Variants in TMTC1 observed in about 807,000 individuals in gnomAD.
TMTC1 encodes the protein transmembrane O-mannosyltransferase targeting cadherins 1.
A neutral mutation model predicts 104.8 loss-of-function variants in TMTC1; 73 were observed. The ratio of observed to expected loss-of-function variants is 0.70; its 90% CI spans 0.58 to 0.85. The LOEUF is 0.85. TMTC1 is among the 40% of genes least tolerant of loss of function. The pLI, the probability that TMTC1 is intolerant of heterozygous loss-of-function variation, is 0.00. For missense variants in TMTC1, 1,035 were observed against 1,096.1 expected (o/e 0.94, Z 0.79); for synonymous variants, 434 against 428.7 (o/e 1.01, Z -0.15).
intron 5 of TMTC1, among the ~76,000 whole-genome samples, chr12:29,740,001 C>T (rs1942783200): frequency 6.6e-6 from 1 of 151,900 alleles, no homozygotes; most frequent in African/African-American, 2.4e-5. Flanking sequence ...CCACTGCTCC[C>T]AGCCCCCATC....
chr12:29,698,398 C>T (rs7973663), intron 5 of TMTC1, among the ~76,000 whole-genome samples: 118,241 of 152,062 alleles, frequency 0.78, 46,541 homozygotes, highest in African/African-American at 0.89. Flanking sequence ...AAATTTTGTA[C>T]GCCATTTTCT....
At chr12:29,519,393 CAAGT>C (rs1944085062) in intron 12 of TMTC1, 3 of 152,172 alleles carry the variant, frequency 2.0e-5, no homozygotes, top group Non-Finnish European at 4.4e-5. Context: ...GATCCCAAGG[CAAGT>C]GAGAGTAAGG....
At chr12:29,762,668 G>C (rs999411688) in intron 2 of TMTC1, among the ~76,000 whole-genome samples, 1 of 152,232 alleles carries the variant, frequency 6.6e-6, no homozygotes, top group African/African-American at 2.4e-5. Context: ...GCAATACAGA[G>C]CTGAAAGCTA....
At chr12:29,507,098 T>C in intron 17 of TMTC1, 112 bp from the exon 18 acceptor site, 1 of 862,896 alleles carries the variant, frequency 1.2e-6, no homozygotes, top group Non-Finnish European at 1.9e-6. Context: ...AATGTTCTCA[T>C]ATGGAAACTC....
intron 10 of TMTC1, among the ~76,000 whole-genome samples, chr12:29,540,965 A>G (rs896713468): frequency 6.6e-6 from 1 of 151,714 alleles, no homozygotes; most frequent in Non-Finnish European, 1.5e-5. Flanking sequence ...ACTGCACTCC[A>G]GCCTGGGCGA....
chr12:29,681,667 C>G (rs930408722), intron 5 of TMTC1, among the ~76,000 whole-genome samples: 3 of 151,776 alleles, frequency 2.0e-5, no homozygotes, highest in Admixed American at 2.0e-4. Context: ...GGCCCCTCCC[C>G]CTCCCACCCC....
At chr12:29,523,413 T>C (rs954194789) in intron 11 of TMTC1, among the ~76,000 whole-genome samples, 6 of 152,208 alleles carry the variant, frequency 3.9e-5, no homozygotes, top group African/African-American at 1.2e-4. Flanking sequence ...TGAACATAGT[T>C]TGAACAGCTG....
intron 6 of TMTC1, among the ~76,000 whole-genome samples, chr12:29,631,071 G>T (rs1938271090): frequency 6.6e-6 from 1 of 152,042 alleles, no homozygotes; most frequent in African/African-American, 2.4e-5. Context: ...CTTCTGTGCA[G>T]GGTCTACTTG....
chr12:29,767,206 G>C (rs1943486327), intron 2 of TMTC1, among the ~76,000 whole-genome samples: 1 of 152,156 alleles, frequency 6.6e-6, no homozygotes, highest in South Asian at 2.1e-4. Flanking sequence ...GCCTGTCTCA[G>C]CCTCCCAAAG....
At chr12:29,727,531 C>T (rs1327180691) in intron 5 of TMTC1, among the ~76,000 whole-genome samples, 5 of 151,960 alleles carry the variant, frequency 3.3e-5, no homozygotes, top group Admixed American at 2.6e-4. Flanking sequence ...CACCCACCAC[C>T]ACGCCTGGCT....
chr12:29,559,590 T>C (rs1945329107), intron 9 of TMTC1, among the ~76,000 whole-genome samples: 1 of 152,150 alleles, frequency 6.6e-6, no homozygotes, highest in African/African-American at 2.4e-5. Flanking sequence ...AAGAACCAAC[T>C]TGGAGCTGCA....
intron 5 of TMTC1, among the ~76,000 whole-genome samples, chr12:29,685,247 A>G (rs931240653): frequency 6.6e-6 from 1 of 152,136 alleles, no homozygotes; most frequent in Non-Finnish European, 1.5e-5. Flanking sequence ...CAGGCACAGT[A>G]CAAAACAGTC....
Position 29,564,653 on chromosome 12 carries a change from A to T in TMTC1, c.1532+7452T>A, listed in dbSNP as rs528768515. On this transcript the variant is annotated intron_variant, in intron 9 of 17. Coordinates refer to ENST00000539277, the MANE Select transcript of TMTC1 (RefSeq NM_001193451.2). ...GGGGAGGGAGCTGATGCCAGAATGT[A>T]GTTGAGTAATGAGAGAAAATAAGGA... is the stretch of plus-strand genomic sequence containing the variant. 7.9e-5 allele frequency among the ~76,000 whole-genome samples: 12 copies of T among 152,258 alleles called. 1 individual carries two copies. The highest frequency in any genetic ancestry group is 2.4e-4 in the African/African-American group (10 of 41,556).
At chr12:29,569,628 T>G (rs1228179149) in intron 9 of TMTC1, among the ~76,000 whole-genome samples, 1 of 152,336 alleles carries the variant, frequency 6.6e-6, no homozygotes, top group African/African-American at 2.4e-5. Flanking sequence ...AAATGATGAA[T>G]AGCTCTGGTA....
chr12:29,682,586 T>C (rs957752962), intron 5 of TMTC1, among the ~76,000 whole-genome samples: 2 of 152,234 alleles, frequency 1.3e-5, no homozygotes, highest in Non-Finnish European at 2.9e-5. Flanking sequence ...GAAAGAATTA[T>C]TGATGCAGTC....
intron 5 of TMTC1, among the ~76,000 whole-genome samples, chr12:29,689,676 A>G (rs1451405051): frequency 7.9e-5 from 12 of 152,222 alleles, no homozygotes; most frequent in Non-Finnish European, 1.5e-5. Flanking sequence ...CAGAATTTAA[A>G]TTAATTATGT....
rs1306485968 is a variant in TMTC1 at position 29,583,487 on chromosome 12, G to T, written c.1338C>A (p.Ser446=). Residue 446 remains serine, a synonymous_variant, in exon 8 of 18, where the codon TCC becomes TCA. Transcript: ENST00000539277. ...NRCGATTLIV[S]TVLLLLLFSW... ...AGAAAAGCAACAGCAGCAACACAGT[G>T]GACACAATCAGGGTGGTGGCCCCAC... 3.1e-6 allele frequency: 5 copies of T among 1,613,902 alleles called. No individual in the cohort carries two copies. Among genetic ancestry groups the T allele is most frequent in the Non-Finnish European group, 3.4e-6 (4 of 1,179,914 alleles).
intron 11 of TMTC1, among the ~76,000 whole-genome samples, chr12:29,522,116 T>C (rs1298202718): frequency 1.3e-5 from 2 of 152,130 alleles, no homozygotes; most frequent in Non-Finnish European, 2.9e-5. Flanking sequence ...CAAAACCTTA[T>C]CTCAAGTTAC....
At chr12:29,678,835 T>C (rs1000163924) in intron 5 of TMTC1, among the ~76,000 whole-genome samples, 2 of 152,114 alleles carry the variant, frequency 1.3e-5, no homozygotes, top group African/African-American at 4.8e-5. Flanking sequence ...AATGTGAATA[T>C]GGCTACCATG....
Sources: allele counts gnomAD v4.1 joint callset (sites outside exome capture counted in the v4.1 genomes callset), GRCh38; gene constraint gnomAD v4.1.1; transcripts MANE v1.5; gene names NCBI Gene and HGNC (gene_info 2026-07-23, HGNC 2026-07-21).